DIS3: variants seen among roughly 807,000 people sequenced by gnomAD.
The protein encoded by DIS3 is DIS3 exosome endoribonuclease and 3'-5' exoribonuclease, also known as exosome complex exonuclease RRP44.
A neutral mutation model predicts 113.0 loss-of-function variants in DIS3; 103 were observed. The ratio of observed to expected loss-of-function variants is 0.91; its 90% CI spans 0.78 to 1.07. The LOEUF (loss-of-function observed/expected upper bound fraction) is 1.07, where lower values mean the gene tolerates loss of function less well. Among genes scored for constraint, DIS3 ranks in the 50% least tolerant of loss-of-function variants. The probability of loss-of-function intolerance (pLI) is 0.00; values close to 1 mark genes in which losing one functional copy is unlikely to be tolerated. For missense variants in DIS3, 1,121 were observed against 1,167.1 expected, an observed-to-expected ratio of 0.96 and a Z score of 0.58; for synonymous variants, 402 against 394.3, an observed-to-expected ratio of 1.02 and a Z score of -0.23.
chr13:72,755,657 T>TA lies in DIS3; in HGVS notation c.*4137dup. 2.6e-6 allele frequency: 1 copy of TA among 384,888 alleles called. No homozygotes were observed. Among genetic ancestry groups the TA allele is most frequent in the Non-Finnish European group, 4.6e-6 (1 of 218,012 alleles). The allele number at this position is 384,888 out of a possible 1,614,324, so 23.8% of individuals were successfully genotyped here. ...AATTATAACCTATGTGAAGAAATCT[T>TA]AGATATAAAACTAACTTTTCAAAGA... On this transcript the variant is annotated 3_prime_UTR_variant, in exon 21 of 21. Transcript: ENST00000377767.
At position 72,759,063 on chromosome 13, in the gene DIS3, G is replaced by A. The variant is rs2033562126; in HGVS notation, c.*732C>T. The A allele has an allele frequency of 5.6e-6, 1 of 178,526 alleles. No homozygotes were observed. The highest frequency in any genetic ancestry group is 2.0e-4 in the South Asian group (1 of 5,036). The allele number at this position is 178,526 out of a possible 1,614,324, so 11.1% of individuals were successfully genotyped here. A position where few individuals can be genotyped will look rare whatever the true frequency, so the allele number is the denominator to read the frequency against. On this transcript the variant is annotated 3_prime_UTR_variant, in exon 21 of 21. Transcript: ENST00000377767. ...CAATTTAAAAGCCACTAATTAATCT[G>A]TTTTTTATTTTGTAAGTAACAAGAT...
chr13:72,761,624 A>G, intron 18 of DIS3, 22 bp downstream of exon 18: 1 of 1,560,176 alleles, frequency 6.4e-7, no homozygotes, highest in Non-Finnish European at 8.6e-7. Flanking sequence ...TTTTTCTAGC[A>G]GTATCGACAA....
In DIS3 at chr13:72,771,136, T is replaced by C. The variant is rs199829244; in HGVS notation, c.1615A>G (p.Met539Val). Residue 539 changes from methionine (M) to valine (V), a missense_variant, in exon 12 of 21, where the codon ATG becomes GTG. By Grantham distance (21) the Met-to-Val change is conservative. This residue lies in a region of DIS3 where 861 missense variants were observed against 915.5 expected (regional missense o/e 0.94). Coordinates refer to ENST00000377767, the MANE Select transcript of DIS3 (RefSeq NM_014953.5). ...TVYLCEKRID[M>V]VPELLSSNLC... Reference sequence around the variant, plus strand: ...TTAGAGCTAAGCAACTCTGGAACCATGTCAATCCTCTGCAAAAGATAAAAA... The same window carrying C: ...TTAGAGCTAAGCAACTCTGGAACCACGTCAATCCTCTGCAAAAGATAAAAA... 81 of 1,613,330 alleles carry C rather than the reference T, an allele frequency of 5.0e-5. No homozygotes were observed. The highest frequency in any genetic ancestry group is 2.2e-4 in the East Asian group (10 of 44,808).
Position 72,759,739 on chromosome 13 carries a change from T to G in DIS3, c.*56A>C, listed in dbSNP as rs1031408304. On this transcript the variant is annotated 3_prime_UTR_variant, in exon 21 of 21. Coordinates refer to ENST00000377767, the MANE Select transcript of DIS3 (RefSeq NM_014953.5). ...CACACTTAGGCTTAGAAGTGTTCTT[T>G]CAAGTTTTTTCTTTTAAAAAAGAAA... 9 of 1,401,934 alleles carry G rather than the reference T, an allele frequency of 6.4e-6. No homozygotes were observed. The highest frequency in any genetic ancestry group is 9.0e-6 in the Non-Finnish European group (9 of 1,001,470). 86.8% of individuals were successfully genotyped at this position (1,401,934 alleles called of 1,614,324 possible).
chr13:72,765,628 C>A (rs2033726392), intron 15 of DIS3, among the ~76,000 whole-genome samples: 1 of 152,106 alleles, frequency 6.6e-6, no homozygotes, highest in Non-Finnish European at 1.5e-5. Flanking sequence ...AGCTCACAGC[C>A]CAGGGGCTGG....
In DIS3 at chr13:72,772,674, C is replaced by G. The variant is rs918476579; in HGVS notation, c.1386+19G>C. 2 of 1,588,914 alleles carry G rather than the reference C, an allele frequency of 1.3e-6. No individual in the cohort carries two copies. Among genetic ancestry groups the G allele is most frequent in the African/African-American group, 2.7e-5 (2 of 73,262 alleles). ...GATATAATAATTTATAAAGTCACTA[C>G]AAATTACTTTCAACTTACCTTTTCA... On this transcript the variant is annotated intron_variant, in intron 9 of 20. Coordinates refer to ENST00000377767, the MANE Select transcript of DIS3 (RefSeq NM_014953.5).
In DIS3 at chr13:72,768,884, A is replaced by T; in HGVS notation, c.1784T>A (p.Leu595Ter). The stretch of plus-strand genomic sequence containing the variant: ...ATTCATGTTTGCTGAATCAATTCTC[A>T]ACTGAGCTTCAGCATACGTCAGAGA... ...KASLTYAEAQ[L>*]RIDSANMNDD... Residue 595 changes from leucine to a stop codon, truncating the protein, a stop_gained, in exon 14 of 21, where the codon TTG (leucine) becomes TAG (stop). Coordinates refer to ENST00000377767, the MANE Select transcript of DIS3 (RefSeq NM_014953.5). LOFTEE classifies it high-confidence loss of function. 1 of 1,602,308 alleles carries T rather than the reference A, an allele frequency of 6.2e-7. No individual in the cohort carries two copies. Among genetic ancestry groups the T allele is most frequent in the Non-Finnish European group, 8.5e-7 (1 of 1,170,082 alleles).
intron 15 of DIS3, among the ~76,000 whole-genome samples, chr13:72,763,914 C>T (rs977953666): frequency 2.0e-5 from 3 of 151,956 alleles, no homozygotes; most frequent in Non-Finnish European, 2.9e-5. Flanking sequence ...TTTGGGAGGC[C>T]GAGGCAGGCA....
intron 4 of DIS3, among the ~76,000 whole-genome samples, chr13:72,776,673 A>G (rs1454863409): frequency 1.3e-5 from 2 of 152,228 alleles, no homozygotes; most frequent in Admixed American, 6.5e-5. Flanking sequence ...TTTGATCCTT[A>G]TAACAACACT....
chr13:72,759,530 T>C lies in DIS3; in HGVS notation c.*265A>G, dbSNP rs1593832648. On this transcript the variant is annotated 3_prime_UTR_variant, in exon 21 of 21. Transcript: ENST00000377767. ...ACTCCATTTAAATGATCTTTACAGA[T>C]CCCTGAAGTTGCTGTCCTGTCACTG... The C allele has an allele frequency of 5.9e-6, 2 of 336,926 alleles. No individual in the cohort carries two copies. Among genetic ancestry groups the C allele is most frequent in the East Asian group, 9.5e-5 (2 of 21,084 alleles). The allele number at this position is 336,926 out of a possible 1,614,324, so 20.9% of individuals were successfully genotyped here.
intron 4 of DIS3, among the ~76,000 whole-genome samples, 181 bp downstream of exon 4, chr13:72,777,239 T>C (rs2034037817): frequency 2.6e-5 from 4 of 152,220 alleles, no homozygotes; most frequent in Admixed American, 2.6e-4. Flanking sequence ...TTTAGAAAGT[T>C]AACTCCTTTA....
At position 72,758,036 on chromosome 13, in the gene DIS3, T is replaced by C; in HGVS notation, c.*1759A>G. 1 of 193,854 alleles carries C rather than the reference T, an allele frequency of 5.2e-6. No individual in the cohort carries two copies. The highest frequency in any genetic ancestry group is 1.1e-5 in the Non-Finnish European group (1 of 92,858). The allele number at this position is 193,854 out of a possible 1,614,324, so 12.0% of individuals were successfully genotyped here. A position where few individuals can be genotyped will look rare whatever the true frequency, so the allele number is the denominator to read the frequency against. The stretch of plus-strand genomic sequence containing the variant: ...CTTACTGACTCACCCAGAGCCAGCT[T>C]CCAGTCCTGCCAACTTGTTCATGGT... On this transcript the variant is annotated 3_prime_UTR_variant, in exon 21 of 21. Transcript: ENST00000377767.
chr13:72,781,272 T>C (rs922837052), intron 1 of DIS3: 1 of 1,551,232 alleles, frequency 6.4e-7, no homozygotes, highest in Non-Finnish European at 8.7e-7. Context: ...CATAGTTTTT[T>C]GTTCCTAGGC....
At position 72,772,212 on chromosome 13, in the gene DIS3, T is replaced by C. The variant is rs2033902058; in HGVS notation, c.1450A>G (p.Thr484Ala). Residue 484 changes from threonine to alanine, a missense_variant, in exon 10 of 21, where the codon ACT (threonine) becomes GCT (alanine). By Grantham distance (58) the Thr-to-Ala change is moderately conservative. Transcript: ENST00000377767. ...CAATGTAGAGCATCGTCTATATCAG[T>C]ACATCCTGGTGGGTCTACACTACAA... ...CICSVDPPGC[T>A]DIDDALHCRE... 2 of 1,613,614 alleles carry C rather than the reference T, an allele frequency of 1.2e-6. No individual in the cohort carries two copies. Among genetic ancestry groups the C allele is most frequent in the Non-Finnish European group, 8.5e-7 (1 of 1,179,890 alleles).
At chr13:72,781,083 G>A in intron 1 of DIS3, 80 bp from the exon 2 acceptor site, 1 of 1,438,456 alleles carries the variant, frequency 7.0e-7, no homozygotes, top group Non-Finnish European at 9.5e-7. Flanking sequence ...TTTTATGTTG[G>A]GCATAAATAC....
chr13:72,777,329 T>C, intron 4 of DIS3, 91 bp downstream of exon 4: 1 of 1,262,242 alleles, frequency 7.9e-7, no homozygotes, highest in Non-Finnish European at 1.1e-6. Context: ...CCCACCGACA[T>C]TCCAATTTTT....
At position 72,771,074 on chromosome 13, in the gene DIS3, G is replaced by A; in HGVS notation, c.1670+7C>T. 1.2e-6 allele frequency: 2 copies of A among 1,612,978 alleles called. No homozygotes were observed. Among genetic ancestry groups the A allele is most frequent in the Non-Finnish European group, 1.7e-6 (2 of 1,179,434 alleles). On this transcript the variant is annotated splice_region_variant and intron_variant, in intron 12 of 20. Coordinates refer to ENST00000377767, the MANE Select transcript of DIS3 (RefSeq NM_014953.5). ...GTCTTCAAGGAAAAAAAACCATGCA[G>A]AAATACCTGTCCACGTCACATTTTA...
intron 1 of DIS3, 121 bp from the exon 2 acceptor site, chr13:72,781,124 GC>G: frequency 7.4e-7 from 1 of 1,345,398 alleles, no homozygotes; most frequent in Non-Finnish European, 1.0e-6. Flanking sequence ...AATAAGTTAA[GC>G]CAAGAAGCTA....
Position 72,768,695 on chromosome 13 carries a change from T to C in DIS3, c.1883+90A>G, listed in dbSNP as rs1009524604. 4 of 1,011,068 alleles carry C rather than the reference T, an allele frequency of 4.0e-6. No homozygotes were observed. In the African/African-American group the frequency reaches 5.0e-5, roughly 13 times the overall value. 62.6% of individuals were successfully genotyped at this position (1,011,068 alleles called of 1,614,324 possible). A position where few individuals can be genotyped will look rare whatever the true frequency, so the allele number is the denominator to read the frequency against. On this transcript the variant is annotated intron_variant, in intron 14 of 20. Transcript: ENST00000377767. Reference sequence around the variant, plus strand: ...AAGCTAGAAGAAACAGGAGTCTCTATTCACCCTTTTAAATAATTCATCATT... The same window carrying C: ...AAGCTAGAAGAAACAGGAGTCTCTACTCACCCTTTTAAATAATTCATCATT...
Sources: allele counts gnomAD v4.1 joint callset (sites outside exome capture counted in the v4.1 genomes callset), GRCh38; gene constraint gnomAD v4.1.1; regional missense constraint gnomAD v4.1.1; transcripts MANE v1.5; gene names NCBI Gene and HGNC (gene_info 2026-07-23, HGNC 2026-07-21).